CSMD1: variants seen among roughly 807,000 people sequenced by gnomAD.
The protein encoded by CSMD1 is CUB and Sushi multiple domains 1.
A neutral mutation model predicts 417.5 loss-of-function variants in CSMD1; 213 were observed. The observed-to-expected ratio is 0.51, with a 90% CI of 0.46 to 0.57. CSMD1 has a LOEUF of 0.57. Among genes scored for constraint, CSMD1 ranks in the 20% least tolerant of loss-of-function variants. The pLI is 0.00. For missense variants in CSMD1, 6,923 were observed against 4,529.7 expected (o/e 1.53, Z -15.17); for synonymous variants, 2,862 against 1,736.8 (o/e 1.65, Z -16.11).
intron 3 of CSMD1, among the ~76,000 whole-genome samples, chr8:4,261,950 C>G (rs1411459533): frequency 6.6e-6 from 1 of 151,888 alleles, no homozygotes. Flanking sequence ...TGTAACAAAA[C>G]AGAAAAAAAA....
intron 4 of CSMD1, among the ~76,000 whole-genome samples, chr8:4,021,395 C>T (rs1364775465): frequency 6.6e-6 from 1 of 152,182 alleles, no homozygotes; most frequent in Non-Finnish European, 1.5e-5. Flanking sequence ...ATCTGTGGCT[C>T]ACATTATGGA....
intron 3 of CSMD1, among the ~76,000 whole-genome samples, chr8:4,169,325 C>A (rs952598302): frequency 4.6e-5 from 7 of 152,160 alleles, no homozygotes; most frequent in Non-Finnish European, 1.0e-4. Context: ...CTGGTCCCTC[C>A]CATGTGCCTT....
At chr8:4,827,619 T>C (rs571049811) in intron 1 of CSMD1, among the ~76,000 whole-genome samples, 2 of 152,326 alleles carry the variant, frequency 1.3e-5, no homozygotes, top group Non-Finnish European at 2.9e-5. Flanking sequence ...CTCAGAAAGA[T>C]TGAATAGGTA....
At chr8:3,687,284 G>A (rs537523188) in intron 7 of CSMD1, among the ~76,000 whole-genome samples, 1 of 152,294 alleles carries the variant, frequency 6.6e-6, no homozygotes, top group African/African-American at 2.4e-5. Flanking sequence ...AAAAGTCTGT[G>A]GTTACCCCAT....
At chr8:4,622,698 T>C (rs1235418674) in intron 2 of CSMD1, among the ~76,000 whole-genome samples, 1 of 152,142 alleles carries the variant, frequency 6.6e-6, no homozygotes, top group Non-Finnish European at 1.5e-5. Context: ...GATGACAGAA[T>C]TCATTACATC....
At chr8:3,072,103 T>C (rs1813358534) in intron 49 of CSMD1, among the ~76,000 whole-genome samples, 1 of 152,168 alleles carries the variant, frequency 6.6e-6, no homozygotes, top group Non-Finnish European at 1.5e-5. Flanking sequence ...CTCAGAAAGG[T>C]TCAAGAGTAA....
chr8:2,995,668 T>C (rs1378664198), intron 54 of CSMD1, among the ~76,000 whole-genome samples: 5 of 151,920 alleles, frequency 3.3e-5, no homozygotes, highest in Admixed American at 3.3e-4. Flanking sequence ...AATGGGTAAA[T>C]GGTGAAAAAA....
intron 7 of CSMD1, among the ~76,000 whole-genome samples, chr8:3,672,177 G>T (rs1040207009): frequency 1.3e-5 from 2 of 152,066 alleles, no homozygotes; most frequent in Non-Finnish European, 2.9e-5. Flanking sequence ...TATGGTCAGG[G>T]ATCTTATAAG....
intron 26 of CSMD1, among the ~76,000 whole-genome samples, chr8:3,238,662 AG>A (rs1343957197): frequency 6.6e-6 from 1 of 152,156 alleles, no homozygotes; most frequent in Non-Finnish European, 1.5e-5. Context: ...GCCTGGATAC[AG>A]TTTTGTATGA....
At chr8:4,884,322 G>A (rs1176433948) in intron 1 of CSMD1, among the ~76,000 whole-genome samples, 2 of 151,746 alleles carry the variant, frequency 1.3e-5, no homozygotes, top group African/African-American at 2.4e-5. Flanking sequence ...CCATTCTGTG[G>A]GTTATCTTTG....
At chr8:3,717,854 T>C (rs1423670399) in intron 6 of CSMD1, among the ~76,000 whole-genome samples, 1 of 152,174 alleles carries the variant, frequency 6.6e-6, no homozygotes, top group South Asian at 2.1e-4. Flanking sequence ...ACTACAATTG[T>C]ACATTACACC....
At chr8:3,713,439 G>T (rs35145202) in intron 6 of CSMD1, among the ~76,000 whole-genome samples, 1 of 151,944 alleles carries the variant, frequency 6.6e-6, no homozygotes, top group East Asian at 1.9e-4. Context: ...TAGCTGGAGC[G>T]TCCTGCCCTC....
At chr8:3,094,443 A>G (rs7013604) in intron 47 of CSMD1, among the ~76,000 whole-genome samples, 35,895 of 152,056 alleles carry the variant, frequency 0.24, 4,592 homozygotes, top group East Asian at 0.38. Context: ...GAACCCTCAT[A>G]ATGTTCTATC....
chr8:3,308,585 C>G (rs1563255118), intron 23 of CSMD1, 82 bp from the exon 24 acceptor site: 6 of 1,108,200 alleles, frequency 5.4e-6, no homozygotes, highest in East Asian at 2.6e-5. Flanking sequence ...AACAAGGTTG[C>G]TAAATGCTCC....
intron 17 of CSMD1, among the ~76,000 whole-genome samples, chr8:3,389,806 CTT>C (rs1200171299): frequency 1.3e-5 from 2 of 152,164 alleles, no homozygotes; most frequent in Non-Finnish European, 2.9e-5. Flanking sequence ...TGAATAAACT[CTT>C]AAGGTCACAA....
chr8:3,622,648 C>A (rs1341181516), intron 7 of CSMD1, among the ~76,000 whole-genome samples: 1 of 152,108 alleles, frequency 6.6e-6, no homozygotes, highest in Non-Finnish European at 1.5e-5. Context: ...TAGAAGATAA[C>A]AAAAAGTGAT....
intron 7 of CSMD1, among the ~76,000 whole-genome samples, chr8:3,633,269 C>CA (rs1796872120): frequency 6.6e-6 from 1 of 152,076 alleles, no homozygotes; most frequent in African/African-American, 2.4e-5. Context: ...TGAGAAGTAC[C>CA]ACATAAAATT....
intron 1 of CSMD1, among the ~76,000 whole-genome samples, chr8:4,709,147 G>T (rs938210870): frequency 2.6e-5 from 4 of 152,186 alleles, no homozygotes; most frequent in Admixed American, 1.3e-4. Flanking sequence ...AATTCTGAAC[G>T]AAATATAGCA....
chr8:4,598,223 G>C (rs945960635), intron 2 of CSMD1, among the ~76,000 whole-genome samples: 72 of 152,244 alleles, frequency 4.7e-4, no homozygotes, highest in Non-Finnish European at 9.8e-4. Context: ...TTACATGCCT[G>C]AGAGCTCTCC....
Sources: allele counts gnomAD v4.1 joint callset (sites outside exome capture counted in the v4.1 genomes callset), GRCh38; gene constraint gnomAD v4.1.1; transcripts MANE v1.5; gene names NCBI Gene and HGNC (gene_info 2026-07-23, HGNC 2026-07-21).